The following SYT17 variants were observed in gnomAD, a reference collection of about 807,000 sequenced individuals.
SYT17 encodes synaptotagmin-17.
SYT17 carries 22 observed loss-of-function variants against 46.7 expected under a neutral mutation model. That is an observed-to-expected ratio of 0.47 (90% CI 0.34 to 0.67). The LOEUF is 0.67. Ranked by LOEUF, SYT17 falls within the 30% of genes least tolerant of loss-of-function variation. The pLI is 0.01. For missense variants in SYT17, 519 were observed against 612.8 expected, an observed-to-expected ratio of 0.85 and a Z score of 1.62; for synonymous variants, 251 against 248.4, an observed-to-expected ratio of 1.01 and a Z score of -0.10.
At chr16:19,215,062 A>G (rs1452450029) in intron 5 of SYT17, among the ~76,000 whole-genome samples, 1 of 152,228 alleles carries the variant, frequency 6.6e-6, no homozygotes, top group Non-Finnish European at 1.5e-5. Context: ...TGCTGGGATT[A>G]CAGGCATGAG....
Position 19,266,912 on chromosome 16 carries a change from T to G in SYT17, c.1261T>G (p.Phe421Val), listed in dbSNP as rs1969400046. 1.2e-6 allele frequency: 2 copies of G among 1,613,606 alleles called. No individual in the cohort carries two copies. Among genetic ancestry groups the G allele is most frequent in the South Asian group, 2.2e-5 (2 of 91,026 alleles). Residue 421 changes from phenylalanine to valine, a missense_variant, in exon 8 of 8, where the codon TTC (phenylalanine) becomes GTC (valine). By Grantham distance (50) the Phe-to-Val change is conservative. Coordinates refer to ENST00000355377, the MANE Select transcript of SYT17 (RefSeq NM_016524.4). ...FGHNMKSSND[F>V]IGRIVIGQYS... Reference sequence around the variant, plus strand: ...CCACAACATGAAGAGCAGCAATGACTTCATCGGGAGGATCGTCATTGGCCA... The same window carrying G: ...CCACAACATGAAGAGCAGCAATGACGTCATCGGGAGGATCGTCATTGGCCA...
intron 7 of SYT17, among the ~76,000 whole-genome samples, chr16:19,234,787 G>A (rs886833855): frequency 1.3e-5 from 2 of 152,182 alleles, no homozygotes; most frequent in African/African-American, 4.8e-5. Context: ...GTGGCCACTT[G>A]GAAAATTATA....
intron 5 of SYT17, among the ~76,000 whole-genome samples, chr16:19,188,638 A>G (rs967537563): frequency 2.6e-5 from 4 of 152,160 alleles, no homozygotes; most frequent in African/African-American, 9.7e-5. Context: ...CTGCCATAAC[A>G]GAGTACTACA....
At chr16:19,256,118 G>C (rs979352333) in intron 7 of SYT17, among the ~76,000 whole-genome samples, 1 of 152,124 alleles carries the variant, frequency 6.6e-6, no homozygotes, top group Non-Finnish European at 1.5e-5. Flanking sequence ...TTTGTTGTGC[G>C]GATTAAATTT....
intron 5 of SYT17, among the ~76,000 whole-genome samples, chr16:19,203,648 G>A (rs1965554127): frequency 6.6e-6 from 1 of 152,244 alleles, no homozygotes; most frequent in African/African-American, 2.4e-5. Context: ...GCCACAGTTA[G>A]AAACCAGAAT....
Position 19,267,270 on chromosome 16 carries a change from C to T in SYT17, c.*194C>T, listed in dbSNP as rs911060347. On this transcript the variant is annotated 3_prime_UTR_variant, in exon 8 of 8. Transcript: ENST00000355377. ...AGCTGACTATTGATCACAAAATGGC[C>T]GCCCTCAGTTGAGTGAGGCCTAGGA... 8.4e-5 allele frequency: 39 copies of T among 464,762 alleles called. No homozygotes were observed. Among genetic ancestry groups the T allele is most frequent in the South Asian group, 1.4e-4 (4 of 28,536 alleles). The allele number at this position is 464,762 out of a possible 1,614,324, so 28.8% of individuals were successfully genotyped here.
chr16:19,204,307 A>G (rs1965582816), intron 5 of SYT17, among the ~76,000 whole-genome samples: 1 of 152,092 alleles, frequency 6.6e-6, no homozygotes, highest in South Asian at 2.1e-4. Context: ...TGATTTGAGA[A>G]TGTTTGAGAA....
At chr16:19,240,749 C>T (rs117509186) in intron 7 of SYT17, among the ~76,000 whole-genome samples, 6 of 152,310 alleles carry the variant, frequency 3.9e-5, no homozygotes, top group South Asian at 2.1e-4. Context: ...TTGCTCATGG[C>T]GCTCAGGCTG....
At chr16:19,229,876 T>A (rs1397872384) in intron 7 of SYT17, among the ~76,000 whole-genome samples, 1 of 152,154 alleles carries the variant, frequency 6.6e-6, no homozygotes, top group East Asian at 1.9e-4. Context: ...TTACTCAGTC[T>A]TGAGTAGGAA....
At chr16:19,263,044 T>A (rs1969098744) in intron 7 of SYT17, among the ~76,000 whole-genome samples, 1 of 151,878 alleles carries the variant, frequency 6.6e-6, no homozygotes, top group Non-Finnish European at 1.5e-5. Context: ...AATCTTTTTT[T>A]TTTTTTTGTA....
At chr16:19,258,581 G>C (rs1450156410) in intron 7 of SYT17, among the ~76,000 whole-genome samples, 1 of 152,182 alleles carries the variant, frequency 6.6e-6, no homozygotes, top group African/African-American at 2.4e-5. Context: ...GGCGGAGGTT[G>C]CAGTGAGCTG....
chr16:19,194,008 C>T (rs1386518784), intron 5 of SYT17, among the ~76,000 whole-genome samples: 1 of 152,228 alleles, frequency 6.6e-6, no homozygotes, highest in Non-Finnish European at 1.5e-5. Flanking sequence ...CGTTGCTACA[C>T]TTTCTCTTGC....
intron 7 of SYT17, among the ~76,000 whole-genome samples, chr16:19,241,661 C>A (rs1413744345): frequency 1.3e-5 from 2 of 152,198 alleles, no homozygotes; most frequent in Non-Finnish European, 2.9e-5. Flanking sequence ...CCTAGGGCAG[C>A]AGGCTCTAGT....
At chr16:19,234,638 T>G (rs1291349066) in intron 7 of SYT17, among the ~76,000 whole-genome samples, 1 of 152,170 alleles carries the variant, frequency 6.6e-6, no homozygotes, top group Non-Finnish European at 1.5e-5. Context: ...GTTTGAATCT[T>G]GGCCCCATGA....
chr16:19,215,643 C>A (rs1966067390), intron 5 of SYT17, among the ~76,000 whole-genome samples: 1 of 152,094 alleles, frequency 6.6e-6, no homozygotes, highest in South Asian at 2.1e-4. Flanking sequence ...TCTTGAACTC[C>A]TGGCCTCAAG....
intron 5 of SYT17, among the ~76,000 whole-genome samples, chr16:19,185,207 C>G (rs562772663): frequency 1.3e-5 from 2 of 150,580 alleles, no homozygotes; most frequent in South Asian, 4.2e-4. Flanking sequence ...CCTTCTCTCC[C>G]TGTCCTGTGG....
At chr16:19,193,998 C>T (rs1315502235) in intron 5 of SYT17, among the ~76,000 whole-genome samples, 2 of 152,328 alleles carry the variant, frequency 1.3e-5, no homozygotes, top group East Asian at 1.9e-4. Flanking sequence ...GCACCTTTAG[C>T]GTTGCTACAC....
intron 5 of SYT17, among the ~76,000 whole-genome samples, chr16:19,192,597 T>C (rs192731754): frequency 1.3e-5 from 2 of 151,968 alleles, no homozygotes; most frequent in African/African-American, 4.8e-5. Flanking sequence ...TAAGAAAACG[T>C]TGAGGAGCAA....
intron 7 of SYT17, among the ~76,000 whole-genome samples, chr16:19,234,800 T>C (rs1407320298): frequency 6.6e-6 from 1 of 152,212 alleles, no homozygotes; most frequent in East Asian, 1.9e-4. Context: ...AAATTATATC[T>C]GCTGTTTTAA....
Sources: gnomAD v4.1 joint callset for allele counts (sites outside exome capture counted in the v4.1 genomes callset) on GRCh38, gnomAD v4.1.1 for gene constraint, MANE v1.5 for transcripts, NCBI Gene and HGNC (gene_info 2026-07-23, HGNC 2026-07-21) for gene names.